Variants in NSMCE2 observed in about 807,000 individuals in gnomAD.
NSMCE2 encodes the protein NSE2 SUMO ligase component of SMC5/6 complex.
A neutral mutation model predicts 23.8 loss-of-function variants in NSMCE2; 24 were observed. The observed-to-expected ratio is 1.01, with a 90% CI of 0.73 to 1.42. The LOEUF is 1.42. NSMCE2 is among the 40% of genes most tolerant of loss of function. The probability of loss-of-function intolerance (pLI) is 0.00; values close to 1 mark genes in which losing one functional copy is unlikely to be tolerated. For synonymous variants in NSMCE2, 92 were observed against 94.1 expected, an observed-to-expected ratio of 0.98 and a Z score of 0.13; for missense variants, 284 against 296.5, an observed-to-expected ratio of 0.96 and a Z score of 0.31.
At chr8:125,223,022 A>G (rs1043799963) in intron 5 of NSMCE2, among the ~76,000 whole-genome samples, 2 of 152,112 alleles carry the variant, frequency 1.3e-5, no homozygotes, top group Non-Finnish European at 2.9e-5. Flanking sequence ...AGATTATGCC[A>G]GTGCACTCCA....
chr8:125,344,949 T>A (rs1045389083), intron 5 of NSMCE2, among the ~76,000 whole-genome samples: 1 of 151,900 alleles, frequency 6.6e-6, no homozygotes, highest in Non-Finnish European at 1.5e-5. Flanking sequence ...CTTTCAGATA[T>A]CTATACTTCT....
chr8:125,163,785 C>T (rs1821741630), intron 4 of NSMCE2, among the ~76,000 whole-genome samples: 1 of 152,198 alleles, frequency 6.6e-6, no homozygotes, highest in Admixed American at 6.5e-5. Flanking sequence ...GATACATTCC[C>T]AGTGCTTAGA....
intron 5 of NSMCE2, among the ~76,000 whole-genome samples, chr8:125,228,909 T>A (rs985754700): frequency 6.6e-6 from 1 of 152,216 alleles, no homozygotes; most frequent in Middle Eastern, 3.2e-3. Flanking sequence ...TGATTCCCTC[T>A]AAGTTACAAA....
intron 5 of NSMCE2, among the ~76,000 whole-genome samples, chr8:125,235,624 A>G (rs969875095): frequency 6.6e-6 from 1 of 152,214 alleles, no homozygotes; most frequent in Non-Finnish European, 1.5e-5. Context: ...TTTTACTTCA[A>G]AGTATATTGG....
chr8:125,234,876 C>T (rs894521025), intron 5 of NSMCE2, among the ~76,000 whole-genome samples: 1 of 152,154 alleles, frequency 6.6e-6, no homozygotes, highest in Non-Finnish European at 1.5e-5. Flanking sequence ...TAATCCCCAC[C>T]CCATCCCCCG....
At chr8:125,170,476 G>A (rs1822141565) in intron 4 of NSMCE2, among the ~76,000 whole-genome samples, 1 of 133,810 alleles carries the variant, frequency 7.5e-6, no homozygotes, top group African/African-American at 2.9e-5. Context: ...GCGCTGTCTC[G>A]GCTCACTGCA....
At chr8:125,217,880 G>GAA (rs547379030) in intron 5 of NSMCE2, among the ~76,000 whole-genome samples, 4 of 125,252 alleles carry the variant, frequency 3.2e-5, no homozygotes, top group Admixed American at 8.1e-5. Flanking sequence ...ATCTAAATAT[G>GAA]AAAAAAAAAA....
At chr8:125,153,382 C>G (rs1821146501) in intron 4 of NSMCE2, among the ~76,000 whole-genome samples, 1 of 152,220 alleles carries the variant, frequency 6.6e-6, no homozygotes, top group East Asian at 1.9e-4. Context: ...GCTTTCTATG[C>G]AAGCTGGATA....
chr8:125,263,726 C>T lies in NSMCE2; in HGVS notation c.418+81470C>T, dbSNP rs533013963. Among the ~76,000 whole-genome samples, 6 of 150,240 alleles carry T rather than the reference C, an allele frequency of 4.0e-5. No homozygotes were observed. The East Asian group carries it at 9.8e-4, about 25-fold the overall frequency. The stretch of plus-strand genomic sequence containing the variant: ...GATCATGGCACTGCACACCAGCCTC[C>T]GTGACAGAGCGAGACTCCATCTCAA... On this transcript the variant is annotated intron_variant, in intron 5 of 7. Transcript: ENST00000287437.
intron 4 of NSMCE2, among the ~76,000 whole-genome samples, chr8:125,166,026 G>T (rs1821859320): frequency 6.6e-6 from 1 of 152,144 alleles, no homozygotes; most frequent in African/African-American, 2.4e-5. Context: ...ATTGTGTTGG[G>T]TGAGATGTGA....
chr8:125,323,845 T>C lies in NSMCE2; in HGVS notation c.419-33374T>C, dbSNP rs369982766. On this transcript the variant is annotated intron_variant, in intron 5 of 7. Coordinates refer to ENST00000287437, the MANE Select transcript of NSMCE2 (RefSeq NM_173685.4). ...GGAACTTCTGTTCTTCAAGAGATAC[T>C]CTTAGGAGAATGAAAGGCCAAGTGA... 2.8e-4 allele frequency among the ~76,000 whole-genome samples: 42 copies of C among 152,296 alleles called. 1 individual carries two copies. Among genetic ancestry groups the C allele is most frequent in the Admixed American group, 1.0e-3 (16 of 15,300 alleles).
intron 7 of NSMCE2, among the ~76,000 whole-genome samples, chr8:125,360,569 C>T (rs1813493911): frequency 6.6e-6 from 1 of 152,200 alleles, no homozygotes; most frequent in South Asian, 2.1e-4. Context: ...TAAAATATAG[C>T]CAGGAGCCAG....
chr8:125,254,105 G>T (rs1826311062), intron 5 of NSMCE2, among the ~76,000 whole-genome samples: 1 of 152,088 alleles, frequency 6.6e-6, no homozygotes, highest in African/African-American at 2.4e-5. Context: ...TTTTAAATTA[G>T]GCTTGTAATT....
Position 125,272,824 on chromosome 8 carries a change from CACATATATATACACACGTATAT to C in NSMCE2, c.419-84391_419-84370del, listed in dbSNP as rs1405117006. On this transcript the variant is annotated intron_variant, in intron 5 of 7. Transcript: ENST00000287437. ...ATATATACACACACGTATATATATACACATATATATACACACGTATATACACACACACATATATATACACACG... is the reference window on the plus strand; with the variant it reads ...ATATATACACACACGTATATATATACACACACACACATATATATACACACG... Among the ~76,000 whole-genome samples, 891 of 105,322 alleles carry C rather than the reference CACATATATATACACACGTATAT, an allele frequency of 8.5e-3. 57 individuals carry two copies. Among genetic ancestry groups the C allele is most frequent in the African/African-American group, 0.03 (797 of 26,534 alleles). The allele number at this position is 105,322 out of a possible 152,430, so 69.1% of individuals were successfully genotyped here. A position where few individuals can be genotyped will look rare whatever the true frequency, so the allele number is the denominator to read the frequency against.
chr8:125,106,549 G>A (rs1282031696), intron 3 of NSMCE2, among the ~76,000 whole-genome samples: 1 of 151,950 alleles, frequency 6.6e-6, no homozygotes, highest in East Asian at 1.9e-4. Flanking sequence ...GTGGTGGTGC[G>A]CACCTGTAAT....
chr8:125,322,474 T>A (rs1829495683), intron 5 of NSMCE2, among the ~76,000 whole-genome samples: 1 of 152,218 alleles, frequency 6.6e-6, no homozygotes, highest in Non-Finnish European at 1.5e-5. Context: ...GGGAACTTCT[T>A]AAATCTACTA....
At chr8:125,365,968 C>T (rs1013131745) in intron 7 of NSMCE2, among the ~76,000 whole-genome samples, 2 of 152,244 alleles carry the variant, frequency 1.3e-5, no homozygotes, top group African/African-American at 4.8e-5. Flanking sequence ...ATAGAGCTTG[C>T]TGTCACTCCA....
At chr8:125,340,039 G>T (rs1236526765) in intron 5 of NSMCE2, among the ~76,000 whole-genome samples, 1 of 129,152 alleles carries the variant, frequency 7.7e-6, no homozygotes, top group Non-Finnish European at 1.6e-5. Flanking sequence ...TTTTGAGACG[G>T]AGTCTCGCTC....
chr8:125,334,299 T>C (rs1244079673), intron 5 of NSMCE2, among the ~76,000 whole-genome samples: 1 of 152,154 alleles, frequency 6.6e-6, no homozygotes. Context: ...TTAAGTACTA[T>C]CTGTAGCACA....
Sources: allele counts gnomAD v4.1 joint callset (sites outside exome capture counted in the v4.1 genomes callset), GRCh38; gene constraint gnomAD v4.1.1; transcripts MANE v1.5; gene names NCBI Gene and HGNC (gene_info 2026-07-23, HGNC 2026-07-21).